PPFIA2: variants seen among roughly 807,000 people sequenced by gnomAD.
PPFIA2 encodes liprin-alpha-2.
PPFIA2 carries 46 observed loss-of-function variants against 175.5 expected under a neutral mutation model. The observed-to-expected ratio is 0.26, with a 90% confidence interval of 0.21 to 0.34. PPFIA2 has a LOEUF of 0.34. PPFIA2 is among the 10% of genes least tolerant of loss of function. The probability of loss-of-function intolerance (pLI) is 1.00; values close to 1 mark genes in which losing one functional copy is unlikely to be tolerated. For missense variants in PPFIA2, 1,179 were observed against 1,506.1 expected (o/e 0.78, Z 3.60); for synonymous variants, 568 against 511.4 (o/e 1.11, Z -1.49).
chr12:81,407,145 T>C (rs1357079908), intron 7 of PPFIA2, among the ~76,000 whole-genome samples: 6 of 152,182 alleles, frequency 3.9e-5, no homozygotes, highest in Non-Finnish European at 7.3e-5. Flanking sequence ...GCCAGGTACA[T>C]CTTTCAAACT....
At chr12:81,460,750 T>G (rs2054384560) in intron 4 of PPFIA2, among the ~76,000 whole-genome samples, 1 of 152,116 alleles carries the variant, frequency 6.6e-6, no homozygotes, top group South Asian at 2.1e-4. Context: ...TAACATTGAT[T>G]GCAAACTTAC....
chr12:81,716,518 T>C (rs1452899635), intron 3 of PPFIA2, among the ~76,000 whole-genome samples: 1 of 151,212 alleles, frequency 6.6e-6, no homozygotes, highest in Non-Finnish European at 1.5e-5. Context: ...CCAGAAGTTC[T>C]TCAACTAGAT....
At chr12:81,629,425 G>T (rs2063112572) in intron 4 of PPFIA2, among the ~76,000 whole-genome samples, 2 of 151,960 alleles carry the variant, frequency 1.3e-5, no homozygotes, top group Non-Finnish European at 2.9e-5. Context: ...TGGGGTTGGG[G>T]GAGGGCTGGA....
At chr12:81,280,996 T>C (rs942855590) in intron 27 of PPFIA2, among the ~76,000 whole-genome samples, 12 of 152,004 alleles carry the variant, frequency 7.9e-5, no homozygotes, top group African/African-American at 2.7e-4. Context: ...CACAAAAAAA[T>C]AGATGTATGC....
At chr12:81,744,695 G>C (rs1245587892) in intron 3 of PPFIA2, among the ~76,000 whole-genome samples, 1 of 152,076 alleles carries the variant, frequency 6.6e-6, no homozygotes, top group Non-Finnish European at 1.5e-5. Flanking sequence ...CAAAGTGCTG[G>C]GATTACAGGC....
chr12:81,370,040 C>G lies in PPFIA2; in HGVS notation c.1267-846G>C, dbSNP rs2034647448. 1.4e-4 allele frequency among the ~76,000 whole-genome samples: 21 copies of G among 151,604 alleles called. No homozygotes were observed. The Admixed American group carries it at 1.4e-3, about 10-fold the overall frequency. On this transcript the variant is annotated intron_variant, in intron 11 of 32. Transcript: ENST00000549396. ...TATAATAATTGGAATTATGGGAAAC[C>G]AAACACCAGAATATGTCTCTGATAG... is the stretch of plus-strand genomic sequence containing the variant.
chr12:81,318,446 G>T (rs889408372), intron 22 of PPFIA2, among the ~76,000 whole-genome samples: 5 of 151,660 alleles, frequency 3.3e-5, no homozygotes, highest in African/African-American at 1.2e-4. Flanking sequence ...CTATATAGAG[G>T]AAATCAGTAA....
At chr12:81,364,093 C>A (rs1232298543) in intron 14 of PPFIA2, among the ~76,000 whole-genome samples, 1 of 151,616 alleles carries the variant, frequency 6.6e-6, no homozygotes, top group African/African-American at 2.4e-5. Context: ...GATACTTGGA[C>A]AATGACCTAA....
chr12:81,372,872 C>CA, intron 11 of PPFIA2, among the ~76,000 whole-genome samples: 1 of 151,436 alleles, frequency 6.6e-6, no homozygotes, highest in South Asian at 2.1e-4. Context: ...CAAAGAGGTT[C>CA]AGGGACAGTA....
At chr12:81,382,786 T>C (rs1396482989) in intron 9 of PPFIA2, among the ~76,000 whole-genome samples, 1 of 152,018 alleles carries the variant, frequency 6.6e-6, no homozygotes, top group African/African-American at 2.4e-5. Flanking sequence ...GAGAAACATC[T>C]GGAAATCAGG....
At chr12:81,660,075 T>C (rs960867254) in intron 4 of PPFIA2, among the ~76,000 whole-genome samples, 1 of 151,940 alleles carries the variant, frequency 6.6e-6, no homozygotes, top group South Asian at 2.1e-4. Flanking sequence ...ACCAAAGGTA[T>C]ATAAAACCAC....
chr12:81,452,825 GT>G (rs555179039), intron 5 of PPFIA2, among the ~76,000 whole-genome samples: 129 of 152,190 alleles, frequency 8.5e-4, no homozygotes, highest in African/African-American at 2.9e-3. Context: ...CAAAACAAAA[GT>G]GAGGGCATGG....
rs2034498333 is a variant in PPFIA2, at chr12:81,258,849, GA to G, written c.*844del. On this transcript the variant is annotated 3_prime_UTR_variant, in exon 33 of 33. Coordinates refer to ENST00000549396, the MANE Select transcript of PPFIA2 (RefSeq NM_003625.5). ...GAATGAACATGTGGTTCTTAGTAAAGAAGTTTTTTTATCTTTTTTTTTTTCT... is the reference window on the plus strand; with the variant it reads ...GAATGAACATGTGGTTCTTAGTAAAGAGTTTTTTTATCTTTTTTTTTTTCT... 1 of 151,354 alleles carries G rather than the reference GA, an allele frequency of 6.6e-6. No individual in the cohort carries two copies. The highest frequency in any genetic ancestry group is 2.4e-5 in the African/African-American group (1 of 40,872). 9.4% of individuals were successfully genotyped at this position (151,354 alleles called of 1,614,324 possible).
chr12:81,450,005 T>G (rs1425298658), intron 5 of PPFIA2, among the ~76,000 whole-genome samples: 2 of 152,168 alleles, frequency 1.3e-5, no homozygotes, highest in African/African-American at 2.4e-5. Flanking sequence ...TTCCATGGTT[T>G]ATATGTGCCA....
intron 4 of PPFIA2, among the ~76,000 whole-genome samples, chr12:81,578,364 TATC>T (rs1249229244): frequency 7.3e-5 from 11 of 151,696 alleles, no homozygotes; most frequent in Admixed American, 2.0e-4. Context: ...GTATTATTAT[TATC>T]ATCATCATCA....
chr12:81,409,130 T>C (rs1334326144), intron 7 of PPFIA2, among the ~76,000 whole-genome samples: 1 of 152,134 alleles, frequency 6.6e-6, no homozygotes, highest in Non-Finnish European at 1.5e-5. Flanking sequence ...ACACAAGAGA[T>C]GGCTAGGGAA....
rs1486719088 is a variant in PPFIA2 at position 81,325,866 on chromosome 12, G to T, written c.2553C>A (p.Gly851=). The T allele has an allele frequency of 6.2e-7, 1 of 1,609,494 alleles. No homozygotes were observed. Among genetic ancestry groups the T allele is most frequent in the Non-Finnish European group, 8.5e-7 (1 of 1,176,310 alleles). ...GAGCTGCAGCTTCAGTCTCCATAAAGCCTCCTGTGAAGAGAAGTAACTAAG... is the reference window on the plus strand; with the variant it reads ...GAGCTGCAGCTTCAGTCTCCATAAATCCTCCTGTGAAGAGAAGTAACTAAG... ...KEKARLGQLR[G]FMETEAAAQE... is the part of the protein sequence containing the mutation. The change falls in exon 22 of 33, where the codon GGC becomes GGA. Residue 851 remains glycine (G), a synonymous_variant. Coordinates refer to ENST00000549396, the MANE Select transcript of PPFIA2 (RefSeq NM_003625.5).
intron 4 of PPFIA2, among the ~76,000 whole-genome samples, chr12:81,645,113 C>G (rs549323607): frequency 6.6e-6 from 1 of 150,530 alleles, no homozygotes; most frequent in South Asian, 2.1e-4. Flanking sequence ...GAGTCATATA[C>G]TAAGCACACT....
At chr12:81,536,920 A>G (rs1347434985) in intron 4 of PPFIA2, among the ~76,000 whole-genome samples, 4 of 150,858 alleles carry the variant, frequency 2.7e-5, no homozygotes, top group African/African-American at 4.9e-5. Context: ...GTTAAGACTG[A>G]TGGGAAAGTA....
Sources: allele counts gnomAD v4.1 joint callset (sites outside exome capture counted in the v4.1 genomes callset), GRCh38; gene constraint gnomAD v4.1.1; transcripts MANE v1.5; gene names NCBI Gene and HGNC (gene_info 2026-07-23, HGNC 2026-07-21).